CELF2: variants seen among roughly 807,000 people sequenced by gnomAD.
CELF2 encodes the protein CUG triplet repeat RNA-binding protein 2.
A neutral mutation model predicts 62.6 loss-of-function variants in CELF2; 8 were observed. That is an observed-to-expected ratio of 0.13 (90% CI 0.07 to 0.23). CELF2 has a LOEUF of 0.23. Among genes scored for constraint, CELF2 ranks in the 10% least tolerant of loss-of-function variants. The pLI is 1.00. For missense variants in CELF2, 333 were observed against 671.0 expected (o/e 0.50, Z 5.56); for synonymous variants, 258 against 250.0 (o/e 1.03, Z -0.30).
chr10:10,587,822 TGAG>T, the CELF2 span, among the ~76,000 whole-genome samples: 1 of 152,028 alleles, frequency 6.6e-6, no homozygotes, highest in Non-Finnish European at 1.5e-5. Context: ...AGAGGAGAAA[TGAG>T]GGCTTGACTA....
At position 11,058,051 on chromosome 10, in the gene CELF2, G is replaced by A. The variant is rs553207869; in HGVS notation, c.74+39888G>A. ...AAATACTTTACGCCCAACCAAATGGGAATAGATTATCTGAAGAGGAAAAAA... is the reference window on the plus strand; with the variant it reads ...AAATACTTTACGCCCAACCAAATGGAAATAGATTATCTGAAGAGGAAAAAA... On this transcript the variant is annotated intron_variant, in intron 1 of 12. Coordinates refer to ENST00000633077, the MANE Select transcript of CELF2 (RefSeq NM_001326342.2). Among the ~76,000 whole-genome samples, 8 of 144,108 alleles carry A rather than the reference G, an allele frequency of 5.6e-5. No individual in the cohort carries two copies. The East Asian group carries it at 1.4e-3, about 25-fold the overall frequency. 94.5% of individuals were successfully genotyped at this position (144,108 alleles called of 152,430 possible). A position where few individuals can be genotyped will look rare whatever the true frequency, so the allele number is the denominator to read the frequency against.
At chr10:10,939,855 G>A (rs1316365727) in intron 2 of CELF2, among the ~76,000 whole-genome samples, 1 of 152,066 alleles carries the variant, frequency 6.6e-6, no homozygotes, top group Non-Finnish European at 1.5e-5. Flanking sequence ...TAGGGAGGCT[G>A]AGGCAGGAGA....
intron 1 of CELF2, chr10:11,097,227 A>G (rs2050148061): frequency 6.6e-6 from 1 of 152,234 alleles, no homozygotes; most frequent in African/African-American, 2.4e-5. Flanking sequence ...GTTTGTAGTA[A>G]AAAATTAAGA....
the CELF2 span, among the ~76,000 whole-genome samples, chr10:10,525,425 ATTC>A: frequency 1.3e-5 from 2 of 152,066 alleles, no homozygotes; most frequent in African/African-American, 4.8e-5. Flanking sequence ...GCCCCAGGCA[ATTC>A]TTCTTCCAAT....
At chr10:10,605,300 A>G in the CELF2 span, among the ~76,000 whole-genome samples, 1 of 152,154 alleles carries the variant, frequency 6.6e-6, no homozygotes, top group Non-Finnish European at 1.5e-5. Flanking sequence ...GGAGAGCATT[A>G]GGGAAAGGAC....
In CELF2 at chr10:10,914,955, C is replaced by T. The variant is rs545874371; in HGVS notation, c.54-5009C>T. Among the ~76,000 whole-genome samples, 22 of 151,790 alleles carry T rather than the reference C, an allele frequency of 1.4e-4. No homozygotes were observed. The East Asian group carries it at 2.3e-3, about 16-fold the overall frequency. On this transcript the variant is annotated intron_variant, in intron 1 of 13. Coordinates refer to the CELF2 transcript ENST00000636488. ...ACCAGCCTGACCAACATGGTGAAACCGCATCTCTACTAAAAATACAAAAAA... is the reference window on the plus strand; with the variant it reads ...ACCAGCCTGACCAACATGGTGAAACTGCATCTCTACTAAAAATACAAAAAA...
intron 1 of CELF2, among the ~76,000 whole-genome samples, chr10:10,839,582 C>T (rs564374491): frequency 1.3e-5 from 2 of 152,308 alleles, no homozygotes; most frequent in East Asian, 1.9e-4. Context: ...ATATTTCACT[C>T]GTTTCAGAAG....
intron 1 of CELF2, among the ~76,000 whole-genome samples, chr10:11,076,576 C>G (rs1353664438): frequency 1.3e-5 from 2 of 152,222 alleles, no homozygotes; most frequent in Non-Finnish European, 2.9e-5. Context: ...ATTGCCCACT[C>G]ACATTTCTCC....
intron 1 of CELF2, among the ~76,000 whole-genome samples, chr10:11,024,142 G>T (rs1307594689): frequency 6.6e-6 from 1 of 152,058 alleles, no homozygotes; most frequent in Non-Finnish European, 1.5e-5. Flanking sequence ...ACTTAAGGTT[G>T]GGTTTTAAAT....
rs190878735 is a variant in CELF2 at position 11,220,179 on chromosome 10, C to G, written c.354+2672C>G. Among the ~76,000 whole-genome samples, 112 of 152,256 alleles carry G rather than the reference C, an allele frequency of 7.4e-4. No individual in the cohort carries two copies. Among genetic ancestry groups the G allele is most frequent in the Non-Finnish European group, 9.4e-4 (64 of 68,008 alleles). ...AATCCATTAAAAAGTCACTTGCTGC[C>G]TTTTTTCTAAAGTGTCCAAAACTTT... On this transcript the variant is annotated intron_variant, in intron 3 of 12. Coordinates refer to ENST00000633077, the MANE Select transcript of CELF2 (RefSeq NM_001326342.2). The surrounding 1 kb of genome is among the most constrained non-coding windows in gnomAD (Gnocchi z 4.4).
intron 2 of CELF2, among the ~76,000 whole-genome samples, chr10:11,199,991 A>G (rs1339486621): frequency 6.6e-6 from 1 of 152,204 alleles, no homozygotes; most frequent in Non-Finnish European, 1.5e-5. Flanking sequence ...AGGGTGCTCC[A>G]GAGAGTAGAT....
chr10:10,893,750 G>A (rs2133954516), intron 1 of CELF2, among the ~76,000 whole-genome samples: 1 of 152,260 alleles, frequency 6.6e-6, no homozygotes, highest in East Asian at 1.9e-4. Flanking sequence ...GCAAGAGACG[G>A]ACGAGGGAGG....
the CELF2 span, among the ~76,000 whole-genome samples, chr10:10,620,984 G>A: frequency 7.4e-5 from 11 of 148,276 alleles, no homozygotes; most frequent in South Asian, 1.7e-3. Context: ...AGCACTTTGG[G>A]AGGCCGAGGC....
the CELF2 span, among the ~76,000 whole-genome samples, chr10:10,672,114 A>G: frequency 6.6e-6 from 1 of 152,144 alleles, no homozygotes; most frequent in Non-Finnish European, 1.5e-5. Flanking sequence ...GTTTAGTTTT[A>G]AGAGTTCTTT....
chr10:11,028,782 C>T (rs554307307), intron 1 of CELF2, among the ~76,000 whole-genome samples: 11 of 146,972 alleles, frequency 7.5e-5, no homozygotes, highest in African/African-American at 2.6e-4. Context: ...TGCAGTGGTG[C>T]GATCTTGGCT....
chr10:11,244,787 G>C lies in CELF2; in HGVS notation c.355-4366G>C, dbSNP rs1197396600. 5.9e-5 allele frequency among the ~76,000 whole-genome samples: 9 copies of C among 151,998 alleles called. No homozygotes were observed. Among genetic ancestry groups the C allele is most frequent in the Non-Finnish European group, 1.3e-4 (9 of 67,996 alleles). ...CTTATTCTGTGCCTCCAAATAAATT[G>C]TTCTTTTCCCTGAAATGTCCTTTCC... On this transcript the variant is annotated intron_variant, in intron 3 of 12. Coordinates refer to ENST00000633077, the MANE Select transcript of CELF2 (RefSeq NM_001326342.2). This position sits in a 1 kb window ranked among gnomAD's most constrained non-coding sequence, Gnocchi z 4.2.
chr10:10,566,085 A>G, the CELF2 span, among the ~76,000 whole-genome samples: 1 of 152,166 alleles, frequency 6.6e-6, no homozygotes, highest in African/African-American at 2.4e-5. Flanking sequence ...ATGTGGCAAG[A>G]TTTTATCCAA....
chr10:10,581,637 A>G, the CELF2 span, among the ~76,000 whole-genome samples: 2 of 152,252 alleles, frequency 1.3e-5, no homozygotes, highest in South Asian at 4.1e-4. Flanking sequence ...CCAGAGACTC[A>G]TTCTACAAAG....
At position 11,300,096 on chromosome 10, in the gene CELF2, A is replaced by G. The variant is rs949009307; in HGVS notation, c.976+11544A>G. 2.6e-4 allele frequency among the ~76,000 whole-genome samples: 40 copies of G among 152,126 alleles called. 1 individual carries two copies. Among genetic ancestry groups the G allele is most frequent in the Admixed American group, 1.8e-3 (27 of 15,278 alleles). On this transcript the variant is annotated intron_variant, in intron 9 of 12. Transcript: ENST00000633077. The surrounding 1 kb of genome is among the most constrained non-coding windows in gnomAD (Gnocchi z 5.5). ...TAAAAATTAGGCCGGGTAGGGAGGC[A>G]CCCTGGTTTATTGACAACCCATGAA...
Sources: allele counts gnomAD v4.1 joint callset (sites outside exome capture counted in the v4.1 genomes callset), GRCh38; gene constraint gnomAD v4.1.1; non-coding constraint Gnocchi (gnomAD v3.1); transcripts MANE v1.5; gene names NCBI Gene and HGNC (gene_info 2026-07-23, HGNC 2026-07-21).